PIGK: variants seen among roughly 807,000 people sequenced by gnomAD.
PIGK encodes phosphatidylinositol glycan anchor biosynthesis class K.
PIGK carries 42 observed loss-of-function variants against 50.6 expected under a neutral mutation model. The ratio of observed to expected loss-of-function variants is 0.83; its 90% CI spans 0.65 to 1.07. The LOEUF is 1.07. PIGK is among the 50% of genes least tolerant of loss of function. The pLI, the probability that PIGK is intolerant of heterozygous loss-of-function variation, is 0.00. For missense variants in PIGK, 448 were observed against 488.7 expected, an observed-to-expected ratio of 0.92 and a Z score of 0.78; for synonymous variants, 151 against 156.0, an observed-to-expected ratio of 0.97 and a Z score of 0.24.
At position 77,152,884 on chromosome 1, in the gene PIGK, G is replaced by A. The variant is rs1654924036; in HGVS notation, c.986+1565C>T. The stretch of plus-strand genomic sequence containing the variant: ...AAATAACAAATGCTGGCAAGGATGT[G>A]GAGAAAAGGAACACTCATACACTAT... On this transcript the variant is annotated intron_variant, in intron 9 of 10. Coordinates refer to ENST00000370812, the MANE Select transcript of PIGK (RefSeq NM_005482.3). 3.3e-5 allele frequency among the ~76,000 whole-genome samples: 5 copies of A among 152,088 alleles called. No individual in the cohort carries two copies. The South Asian group carries it at 1.0e-3, about 31-fold the overall frequency.
In PIGK at chr1:77,200,441, C is replaced by A. The variant is rs17100024; in HGVS notation, c.239+6199G>T. 8.3e-3 allele frequency among the ~76,000 whole-genome samples: 1,268 copies of A among 152,058 alleles called. 37 individuals are homozygous for A. The East Asian group carries it at 0.087, about 10-fold the overall frequency. On this transcript the variant is annotated intron_variant, in intron 3 of 10. Transcript: ENST00000370812. ...CACACCCCCTAGTCACCACATTCAACATATACACATTTTAGAATTTAATAA... is the reference window on the plus strand; with the variant it reads ...CACACCCCCTAGTCACCACATTCAAAATATACACATTTTAGAATTTAATAA...
intron 3 of PIGK, among the ~76,000 whole-genome samples, chr1:77,180,385 A>T (rs1245696900): frequency 1.3e-5 from 2 of 151,908 alleles, no homozygotes; most frequent in Admixed American, 6.6e-5. Flanking sequence ...CCTATTAGTT[A>T]AAAAAAATGG....
chr1:77,209,231 T>C (rs986954863), intron 2 of PIGK, among the ~76,000 whole-genome samples: 19 of 152,136 alleles, frequency 1.2e-4, no homozygotes, highest in Admixed American at 5.9e-4. Flanking sequence ...TGCCATTAAA[T>C]GAAACTCCAG....
intron 8 of PIGK, among the ~76,000 whole-genome samples, chr1:77,158,856 C>T (rs1655070437): frequency 2.0e-5 from 3 of 152,038 alleles, no homozygotes; most frequent in Admixed American, 2.0e-4. Context: ...GGAAGCAGAG[C>T]ATAAAAGTTC....
intron 8 of PIGK, among the ~76,000 whole-genome samples, chr1:77,158,078 G>A (rs181061205): frequency 1.6e-4 from 25 of 152,170 alleles, no homozygotes; most frequent in East Asian, 1.5e-3. Flanking sequence ...GTGCAGTGGC[G>A]CAATCTCAGC....
intron 10 of PIGK, among the ~76,000 whole-genome samples, chr1:77,121,237 G>A (rs559254500): frequency 1.1e-4 from 16 of 152,058 alleles, no homozygotes; most frequent in Admixed American, 2.0e-4. Flanking sequence ...TGTGACATTC[G>A]CAGACTGTTA....
intron 4 of PIGK, among the ~76,000 whole-genome samples, chr1:77,168,032 G>C (rs11162283): frequency 2.6e-5 from 4 of 151,424 alleles, no homozygotes; most frequent in African/African-American, 9.7e-5. Context: ...AAAAAAAAAA[G>C]TTCCATATAT....
chr1:77,168,967 A>C (rs1655293618), intron 4 of PIGK, among the ~76,000 whole-genome samples: 1 of 152,128 alleles, frequency 6.6e-6, no homozygotes, highest in African/African-American at 2.4e-5. Context: ...ATACACATTT[A>C]CTATAAAATA....
chr1:77,195,288 C>G, intron 3 of PIGK: 1 of 1,342,884 alleles, frequency 7.4e-7, no homozygotes, highest in Non-Finnish European at 1.1e-6. Context: ...TCCTGGAAGG[C>G]AAAGGAGCAG....
rs762707056 is a variant in PIGK at position 77,161,308 on chromosome 1, T to C, written c.800A>G (p.Asn267Ser). ...LEEINPASQTNMNDLFQVCPK... is the reference protein window; with the variant it reads ...LEEINPASQTSMNDLFQVCPK... The stretch of plus-strand genomic sequence containing the variant: ...GTGAATACTTACAAGGTCATTCATA[T>C]TAGTTTGGCTAGCTGGGTTAATTTC... Residue 267 changes from asparagine to serine, a missense_variant, in exon 8 of 11, where the codon AAT (asparagine) becomes AGT (serine). Asn to Ser is a conservative substitution (Grantham distance 46). Coordinates refer to ENST00000370812, the MANE Select transcript of PIGK (RefSeq NM_005482.3). 1.3e-6 allele frequency: 2 copies of C among 1,517,034 alleles called. No individual in the cohort carries two copies. Among genetic ancestry groups the C allele is most frequent in the Non-Finnish European group, 1.8e-6 (2 of 1,091,806 alleles). 94.0% of individuals were successfully genotyped at this position (1,517,034 alleles called of 1,614,324 possible).
chr1:77,154,584 G>A lies in PIGK; in HGVS notation c.851C>T (p.Pro284Leu), dbSNP rs1654967170. 5 of 1,612,546 alleles carry A rather than the reference G, an allele frequency of 3.1e-6. No individual in the cohort carries two copies. The highest frequency in any genetic ancestry group is 1.3e-5 in the African/African-American group (1 of 74,852). ...CTGAAAAAGATCAGTGCGATGTCCAGGAGTAGACACACACAGACTTTTGGG... is the reference window on the plus strand; with the variant it reads ...CTGAAAAAGATCAGTGCGATGTCCAAGAGTAGACACACACAGACTTTTGGG... ...VCPKSLCVST[P>L]GHRTDLFQRD... is the part of the protein sequence containing the mutation. The change falls in exon 9 of 11, where the codon CCT becomes CTT. Residue 284 changes from proline (P) to leucine (L), a missense_variant. Physicochemically the swap from Pro to Leu is moderately conservative, Grantham distance 98. Coordinates refer to ENST00000370812, the MANE Select transcript of PIGK (RefSeq NM_005482.3).
chr1:77,105,322 G>A (rs941041858), intron 10 of PIGK, among the ~76,000 whole-genome samples: 2 of 151,974 alleles, frequency 1.3e-5, no homozygotes, highest in African/African-American at 4.8e-5. Context: ...GGCAACATTC[G>A]ATTGGTAAAA....
intron 10 of PIGK, among the ~76,000 whole-genome samples, chr1:77,107,545 C>A (rs979929624): frequency 1.3e-5 from 2 of 152,130 alleles, no homozygotes; most frequent in African/African-American, 2.4e-5. Context: ...CGATGTGGTG[C>A]TGAGAAGAAT....
intron 10 of PIGK, among the ~76,000 whole-genome samples, chr1:77,112,999 G>C (rs1341505265): frequency 6.6e-6 from 1 of 151,922 alleles, no homozygotes; most frequent in Non-Finnish European, 1.5e-5. Flanking sequence ...TGGCATAAGG[G>C]ACAACAGAAA....
chr1:77,164,049 T>C, intron 5 of PIGK, 107 bp from the exon 6 acceptor site: 1 of 609,552 alleles, frequency 1.6e-6, no homozygotes, highest in African/African-American at 1.9e-5. Context: ...CTTGTTATTT[T>C]ATACTCTAAA....
At chr1:77,108,156 C>A (rs1029169059) in intron 10 of PIGK, among the ~76,000 whole-genome samples, 1 of 152,118 alleles carries the variant, frequency 6.6e-6, no homozygotes, top group Non-Finnish European at 1.5e-5. Context: ...TTATTTCGCT[C>A]GTTAGTTGAT....
chr1:77,110,514 AT>A (rs754463802), intron 10 of PIGK, among the ~76,000 whole-genome samples: 16 of 152,206 alleles, frequency 1.1e-4, no homozygotes, highest in Non-Finnish European at 1.8e-4. Flanking sequence ...AAGGGAAAGG[AT>A]TCCCTATTTA....
chr1:77,194,684 G>T, intron 3 of PIGK: 1 of 295,262 alleles, frequency 3.4e-6, no homozygotes, highest in Non-Finnish European at 6.5e-6. Flanking sequence ...TACCTATTAG[G>T]TACTATGTTT....
chr1:77,215,742 G>C (rs925764443), intron 1 of PIGK, among the ~76,000 whole-genome samples: 6 of 152,166 alleles, frequency 3.9e-5, no homozygotes, highest in South Asian at 2.1e-4. Context: ...ATATAAAATG[G>C]AGTATTATTC....
Sources: allele counts gnomAD v4.1 joint callset (sites outside exome capture counted in the v4.1 genomes callset), GRCh38; gene constraint gnomAD v4.1.1; transcripts MANE v1.5; gene names NCBI Gene and HGNC (gene_info 2026-07-23, HGNC 2026-07-21).